CDH4: variants seen among roughly 807,000 people sequenced by gnomAD.
CDH4 encodes cadherin-4.
CDH4 carries 33 observed loss-of-function variants against 86.0 expected under a neutral mutation model. The observed-to-expected ratio is 0.38, with a 90% CI of 0.29 to 0.51. The LOEUF is 0.51. Ranked by LOEUF, CDH4 falls within the 20% of genes least tolerant of loss-of-function variation. The probability of loss-of-function intolerance (pLI) is 0.86; values close to 1 mark genes in which losing one functional copy is unlikely to be tolerated. For missense variants in CDH4, 1,114 were observed against 1,307.4 expected (o/e 0.85, Z 2.28); for synonymous variants, 555 against 549.4 (o/e 1.01, Z -0.14).
chr20:61,571,723 C>G (rs1447002486), intron 2 of CDH4, among the ~76,000 whole-genome samples: 1 of 151,914 alleles, frequency 6.6e-6, no homozygotes, highest in Non-Finnish European at 1.5e-5. Flanking sequence ...GCCTCTCCTC[C>G]TCCCTCTCCC....
In CDH4 at chr20:61,669,510, T is replaced by G. The variant is rs547630432; in HGVS notation, c.170-74053T>G. 4.5e-3 allele frequency among the ~76,000 whole-genome samples: 684 copies of G among 152,304 alleles called. 6 individuals carry two copies. Among genetic ancestry groups the G allele is most frequent in the Middle Eastern group, 0.02 (6 of 294 alleles). On this transcript the variant is annotated intron_variant, in intron 2 of 15. Transcript: ENST00000614565. ...TGGAGGCTGTCGATTTAATTGGAAC[T>G]TAGGTGGCCTATGCCTCAGCCCCTG... is the stretch of plus-strand genomic sequence containing the variant.
At chr20:61,621,421 G>A (rs2086776231) in intron 2 of CDH4, among the ~76,000 whole-genome samples, 2 of 152,222 alleles carry the variant, frequency 1.3e-5, no homozygotes, top group South Asian at 2.1e-4. Context: ...ACCCAGAATT[G>A]TCAAGTTCAT....
chr20:61,278,009 G>A (rs939973984), intron 2 of CDH4, among the ~76,000 whole-genome samples: 1 of 152,224 alleles, frequency 6.6e-6, no homozygotes, highest in Non-Finnish European at 1.5e-5. Flanking sequence ...TATGGCCCAG[G>A]TGAAAAGCAC....
intron 2 of CDH4, chr20:61,717,373 A>T (rs1162577694): frequency 6.6e-6 from 1 of 152,042 alleles, no homozygotes; most frequent in Admixed American, 6.5e-5. Context: ...GAGCACGGGG[A>T]CTCTTTGCAG....
intron 2 of CDH4, among the ~76,000 whole-genome samples, chr20:61,579,058 A>G (rs2086405926): frequency 6.6e-6 from 1 of 152,148 alleles, no homozygotes; most frequent in African/African-American, 2.4e-5. Flanking sequence ...CTGCGGGGCC[A>G]TGCATGGCAC....
rs1276160392 is a variant in CDH4, at chr20:61,383,421, ATG to A, written c.169+128485_169+128486del. 4.9e-3 allele frequency among the ~76,000 whole-genome samples: 5 copies of A among 1,014 alleles called. 1 individual carries two copies. The allele number at this position is 1,014 out of a possible 152,430, so 0.7% of individuals were successfully genotyped here. On this transcript the variant is annotated intron_variant, in intron 2 of 15. Coordinates refer to ENST00000614565, the MANE Select transcript of CDH4 (RefSeq NM_001794.5). The stretch of plus-strand genomic sequence containing the variant: ...ATATATATGAATATATATGATATAT[ATG>A]ATATATATCATATATGAATATATAT...
chr20:61,730,240 A>G (rs963151089), intron 2 of CDH4, among the ~76,000 whole-genome samples: 1 of 151,982 alleles, frequency 6.6e-6, no homozygotes, highest in Non-Finnish European at 1.5e-5. Flanking sequence ...GTGGGTTTGG[A>G]CCAAATGCAT....
intron 3 of CDH4, among the ~76,000 whole-genome samples, chr20:61,767,231 C>T (rs1303644367): frequency 6.6e-6 from 1 of 152,220 alleles, no homozygotes; most frequent in Non-Finnish European, 1.5e-5. Context: ...GCTTTGTCGT[C>T]TCCTGGCTCA....
At chr20:61,734,589 G>A (rs1029889291) in intron 2 of CDH4, among the ~76,000 whole-genome samples, 1 of 143,150 alleles carries the variant, frequency 7.0e-6, no homozygotes, top group Non-Finnish European at 1.5e-5. Context: ...TAAGGGTGTG[G>A]GAAACTGTTT....
intron 4 of CDH4, among the ~76,000 whole-genome samples, chr20:61,778,595 C>A (rs1009311728): frequency 1.3e-5 from 2 of 152,124 alleles, no homozygotes; most frequent in East Asian, 1.9e-4. Context: ...GGGAGCCACG[C>A]CTGGTGGTTC....
chr20:61,901,459 A>G (rs919890325), intron 8 of CDH4, among the ~76,000 whole-genome samples: 4 of 152,284 alleles, frequency 2.6e-5, no homozygotes, highest in Non-Finnish European at 5.9e-5. Context: ...ACAGAGAACT[A>G]CAGCTGGCTG....
intron 2 of CDH4, among the ~76,000 whole-genome samples, chr20:61,491,674 A>G (rs1245884106): frequency 6.6e-6 from 1 of 152,156 alleles, no homozygotes; most frequent in African/African-American, 2.4e-5. Flanking sequence ...CGTTGGTGGT[A>G]TTGATGCTAG....
chr20:61,935,217 G>A (rs1422831238), intron 15 of CDH4, among the ~76,000 whole-genome samples: 1 of 152,198 alleles, frequency 6.6e-6, no homozygotes, highest in African/African-American at 2.4e-5. Flanking sequence ...GCAACACTTA[G>A]ACCTCAGCCT....
At chr20:61,859,091 C>T (rs1983202627) in intron 6 of CDH4, among the ~76,000 whole-genome samples, 1 of 152,160 alleles carries the variant, frequency 6.6e-6, no homozygotes, top group Non-Finnish European at 1.5e-5. Context: ...TCACTTTCAA[C>T]GTTAGCCATT....
intron 3 of CDH4, among the ~76,000 whole-genome samples, chr20:61,759,156 G>A (rs1017624123): frequency 6.6e-6 from 1 of 152,084 alleles, no homozygotes; most frequent in Non-Finnish European, 1.5e-5. Flanking sequence ...AGTTGTGAGG[G>A]GCCAGTGCTG....
intron 7 of CDH4, among the ~76,000 whole-genome samples, chr20:61,876,040 C>T (rs536238264): frequency 1.7e-4 from 26 of 152,350 alleles, no homozygotes; most frequent in African/African-American, 5.8e-4. Context: ...CTGACTGGAG[C>T]GTGTGCGTGC....
chr20:61,505,673 C>A (rs2085735265), intron 2 of CDH4, among the ~76,000 whole-genome samples: 1 of 142,818 alleles, frequency 7.0e-6, no homozygotes, highest in African/African-American at 2.5e-5. Context: ...CCATGATTGA[C>A]CCTGTGCTTG....
At chr20:61,447,323 AT>A (rs71331923) in intron 2 of CDH4, among the ~76,000 whole-genome samples, 20,107 of 110,916 alleles carry the variant, frequency 0.18, 1,068 homozygotes, top group African/African-American at 0.21. Flanking sequence ...CGCCCAGCTG[AT>A]TTTTTTTTTT....
chr20:61,303,166 T>C (rs193284195), intron 2 of CDH4, among the ~76,000 whole-genome samples: 5 of 152,348 alleles, frequency 3.3e-5, no homozygotes, highest in East Asian at 3.9e-4. Context: ...CCAAAGCATG[T>C]GGCTCCCCTT....
Sources: gnomAD v4.1 joint callset for allele counts (sites outside exome capture counted in the v4.1 genomes callset) on GRCh38, gnomAD v4.1.1 for gene constraint, MANE v1.5 for transcripts, NCBI Gene and HGNC (gene_info 2026-07-23, HGNC 2026-07-21) for gene names.